ZC3H4: variants seen among roughly 807,000 people sequenced by gnomAD.
ZC3H4 encodes zinc finger CCCH-type containing 4.
ZC3H4 carries 13 observed loss-of-function variants against 108.3 expected under a neutral mutation model. The ratio of observed to expected loss-of-function variants is 0.12; its 90% CI spans 0.08 to 0.19. ZC3H4 has a LOEUF of 0.19. Ranked by LOEUF, ZC3H4 falls within the 10% of genes least tolerant of loss-of-function variation. The pLI is 1.00. For synonymous variants in ZC3H4, 917 were observed against 749.6 expected, an observed-to-expected ratio of 1.22 and a Z score of -3.65; for missense variants, 1,734 against 1,838.8, an observed-to-expected ratio of 0.94 and a Z score of 1.04.
Position 47,084,435 on chromosome 19 carries a change from G to A in ZC3H4, c.1128C>T (p.Tyr376=). 6.2e-7 allele frequency: 1 copy of A among 1,614,210 alleles called. No homozygotes were observed. Among genetic ancestry groups the A allele is most frequent in the Non-Finnish European group, 8.5e-7 (1 of 1,180,046 alleles). Residue 376 remains tyrosine (Y), a synonymous_variant, in exon 9 of 15, where the codon TAC becomes TAT. Transcript: ENST00000253048. ...GGGGCTTGTCATGGTCACGACTCCG[G>A]TAGCTTCCACCACCACCGTCCTGCA... ...EDMGDGGGGS[Y]RSRDHDKPHQ...
chr19:47,064,484 TTC>T lies in ZC3H4; in HGVS notation c.*1870_*1871del, dbSNP rs2057169152. ...CGGGTGAATTCATAGTCCTATGAGG[TTC>T]TTAGGCTGAATATTCCAAGAGGAGG... On this transcript the variant is annotated 3_prime_UTR_variant, in exon 15 of 15. Transcript: ENST00000253048. 6.6e-6 allele frequency: 1 copy of T among 152,482 alleles called. No homozygotes were observed. Among genetic ancestry groups the T allele is most frequent in the African/African-American group, 2.4e-5 (1 of 41,454 alleles). 9.4% of individuals were successfully genotyped at this position (152,482 alleles called of 1,614,324 possible).
chr19:47,085,242 C>A lies in ZC3H4; in HGVS notation c.968-47G>T, dbSNP rs772830411. 16 of 1,578,366 alleles carry A rather than the reference C, an allele frequency of 1.0e-5. No homozygotes were observed. The East Asian group carries it at 2.5e-4, about 25-fold the overall frequency. ...AAGACCTGCTGACCACCCCCTCCCC[C>A]ACCCCCAGGACTAGATTCCAGCAGC... On this transcript the variant is annotated intron_variant, in intron 7 of 14. Transcript: ENST00000253048.
chr19:47,104,598 C>T (rs2057945655), intron 2 of ZC3H4, among the ~76,000 whole-genome samples: 1 of 152,212 alleles, frequency 6.6e-6, no homozygotes, highest in South Asian at 2.1e-4. Flanking sequence ...TCACTTAAAA[C>T]TTTGACACAA....
intron 2 of ZC3H4, among the ~76,000 whole-genome samples, chr19:47,095,954 G>A (rs144860758): frequency 3.9e-5 from 6 of 152,212 alleles, no homozygotes; most frequent in East Asian, 1.9e-4. Flanking sequence ...GGAAAGGCCC[G>A]CAGCTGCCCA....
intron 4 of ZC3H4, among the ~76,000 whole-genome samples, chr19:47,092,816 C>CAATCAATCAATA (rs371655310): frequency 6.8e-6 from 1 of 146,834 alleles, no homozygotes; most frequent in Non-Finnish European, 1.5e-5. Context: ...GACTCCGTCT[C>CAATCAATCAATA]AATAAATAAA....
In ZC3H4 at chr19:47,072,600, G is replaced by A; in HGVS notation, c.1554C>T (p.Pro518=). ...GCGGGCCAGGGGGCCGAGGAGGGGT[G>A]GGCAGGAGGCCCACACCAGGGGGCG... ...PKPPPGVGLL[P]TPPRPPGPQA... The change falls in exon 12 of 15, where the codon CCC becomes CCT. Residue 518 remains proline (P), a synonymous_variant. Transcript: ENST00000253048. The surrounding 1 kb of genome is among the most constrained non-coding windows in gnomAD (Gnocchi z 5.6). The A allele has an allele frequency of 6.2e-7, 1 of 1,606,438 alleles. No homozygotes were observed. Among genetic ancestry groups the A allele is most frequent in the Non-Finnish European group, 8.5e-7 (1 of 1,177,832 alleles).
rs1295360270 is a variant in ZC3H4, at chr19:47,067,584, G to A, written c.2684C>T (p.Ala895Val). 3.1e-6 allele frequency: 5 copies of A among 1,603,746 alleles called. No individual in the cohort carries two copies. The highest frequency in any genetic ancestry group is 3.4e-6 in the Non-Finnish European group (4 of 1,176,156). The change falls in exon 15 of 15, where the codon GCC becomes GTC. Residue 895 changes from alanine (A) to valine (V), a missense_variant. Transcript: ENST00000253048. The surrounding 1 kb of genome is among the most constrained non-coding windows in gnomAD (Gnocchi z 6.4). ...SGPSDPRLAR[A>V]LPTSKPEGSL... ...GCCTTCGGGCTTGGAGGTGGGCAGGGCGCGAGCCAGCCGAGGATCGGAGGG... is the reference window on the plus strand; with the variant it reads ...GCCTTCGGGCTTGGAGGTGGGCAGGACGCGAGCCAGCCGAGGATCGGAGGG...
At chr19:47,102,383 T>C (rs2057914659) in intron 2 of ZC3H4, among the ~76,000 whole-genome samples, 1 of 152,186 alleles carries the variant, frequency 6.6e-6, no homozygotes, top group African/African-American at 2.4e-5. Flanking sequence ...CTGAAATGTA[T>C]AATCGAGTAG....
chr19:47,091,898 A>G (rs867056503), intron 4 of ZC3H4, among the ~76,000 whole-genome samples: 1 of 152,070 alleles, frequency 6.6e-6, no homozygotes, highest in Non-Finnish European at 1.5e-5. Flanking sequence ...ATCTCTAAAT[A>G]AATGAATGAA....
At chr19:47,084,637 G>A (rs1568547767) in intron 8 of ZC3H4, among the ~76,000 whole-genome samples, 182 bp from the exon 9 acceptor site, 1 of 152,220 alleles carries the variant, frequency 6.6e-6, no homozygotes, top group South Asian at 2.1e-4. Context: ...ACGGTGTGGG[G>A]TGTTGCTGCC....
rs761705785 is a variant in ZC3H4 at position 47,067,681 on chromosome 19, G to A, written c.2587C>T (p.Arg863Cys). 5 of 1,600,730 alleles carry A rather than the reference G, an allele frequency of 3.1e-6. No individual in the cohort carries two copies. The highest frequency in any genetic ancestry group is 1.1e-5 in the South Asian group (1 of 89,942). The change falls in exon 15 of 15, where the codon CGC becomes TGC. Residue 863 changes from arginine to cysteine, a missense_variant. Physicochemically the swap from Arg to Cys is radical, Grantham distance 180. This residue lies in a region of ZC3H4 where 540 missense variants were observed against 484.1 expected (regional missense o/e 1.12). Coordinates refer to ENST00000253048, the MANE Select transcript of ZC3H4 (RefSeq NM_015168.2). This position sits in a 1 kb window ranked among gnomAD's most constrained non-coding sequence, Gnocchi z 6.4. ...HPTGSRLADP[R>C]LSRDPRLTRH... ...GTGAGTCTGGGGTCCCGGCTGAGGC[G>A]AGGGTCAGCCAGCCGGCTTCCTGTG...
rs1253188854 is a variant in ZC3H4, at chr19:47,066,842, C to T, written c.3426G>A (p.Val1142=). Residue 1142 remains valine (V), a synonymous_variant, in exon 15 of 15, where the codon GTG becomes GTA. Transcript: ENST00000253048. ...GGTCGTAGAGGCTGATACCGCTCAG[C>T]ACACTGCTCTGCCCGCCCCCTCCGC... is the stretch of plus-strand genomic sequence containing the variant. ...GQGGGGGQSS[V]LSGISLYDPR... 5.6e-6 allele frequency: 9 copies of T among 1,599,538 alleles called. No homozygotes were observed. Among genetic ancestry groups the T allele is most frequent in the Non-Finnish European group, 7.6e-6 (9 of 1,179,344 alleles).
Position 47,066,536 on chromosome 19 carries a change from C to A in ZC3H4, c.3732G>T (p.Gln1244His). 1 of 1,559,838 alleles carries A rather than the reference C, an allele frequency of 6.4e-7. No individual in the cohort carries two copies. The highest frequency in any genetic ancestry group is 8.7e-7 in the Non-Finnish European group (1 of 1,152,520). The change falls in exon 15 of 15, where the codon CAG becomes CAT. Residue 1244 changes from glutamine to histidine, a missense_variant. This residue lies in a region of ZC3H4 where 518 missense variants were observed against 499.6 expected (regional missense o/e 1.04). Transcript: ENST00000253048. ...ATPPPEGAPP[Q>H]PGVHNLPVPT... ...GCACGGGCAGGTTGTGCACCCCGGG[C>A]TGGGGTGGGGCACCCTCGGGGGGTG...
intron 11 of ZC3H4, among the ~76,000 whole-genome samples, chr19:47,076,238 C>T (rs557164176): frequency 7.9e-5 from 12 of 152,362 alleles, no homozygotes; most frequent in Non-Finnish European, 1.5e-4. Context: ...TGGTAATGAA[C>T]TGTTACTTGC....
rs1418864718 is a variant in ZC3H4, at chr19:47,072,133, A to G, written c.1803-12T>C. On this transcript the variant is annotated splice_polypyrimidine_tract_variant and intron_variant, in intron 12 of 14. Transcript: ENST00000253048. The surrounding 1 kb of genome is among the most constrained non-coding windows in gnomAD (Gnocchi z 5.6). The stretch of plus-strand genomic sequence containing the variant: ...CGGGTCCAGGGAACCTAGAAGAGGG[A>G]AAAGGTGCCTGTGACGGAAGCTGCC... 2.6e-6 allele frequency: 4 copies of G among 1,513,232 alleles called. No homozygotes were observed. Among genetic ancestry groups the G allele is most frequent in the South Asian group, 1.3e-5 (1 of 76,332 alleles). The allele number at this position is 1,513,232 out of a possible 1,614,324, so 93.7% of individuals were successfully genotyped here. A position where few individuals can be genotyped will look rare whatever the true frequency, so the allele number is the denominator to read the frequency against.
intron 2 of ZC3H4, among the ~76,000 whole-genome samples, chr19:47,094,966 C>CT (rs1192857343): frequency 1.3e-5 from 2 of 152,350 alleles, no homozygotes; most frequent in Admixed American, 1.3e-4. Flanking sequence ...ATTCATAATG[C>CT]TTAACGCTGC....
At chr19:47,099,821 TAAAAAA>T (rs34876026) in intron 2 of ZC3H4, among the ~76,000 whole-genome samples, 1 of 103,154 alleles carries the variant, frequency 9.7e-6, no homozygotes, top group African/African-American at 3.5e-5. Flanking sequence ...TACAAGAGTT[TAAAAAA>T]AAAAAAAAAA....
intron 6 of ZC3H4, among the ~76,000 whole-genome samples, chr19:47,085,641 C>T (rs1196218785): frequency 6.6e-6 from 1 of 152,184 alleles, no homozygotes; most frequent in South Asian, 2.1e-4. Flanking sequence ...TCCCTACGTA[C>T]ACATCACTGT....
intron 2 of ZC3H4, among the ~76,000 whole-genome samples, chr19:47,109,095 C>CT (rs372944250): frequency 4.6e-4 from 70 of 150,668 alleles, no homozygotes; most frequent in African/African-American, 1.5e-3. Context: ...ACACCCTTTT[C>CT]TTTTTTTTTG....
Sources: gnomAD v4.1 joint callset for allele counts (sites outside exome capture counted in the v4.1 genomes callset) on GRCh38, gnomAD v4.1.1 for gene constraint, gnomAD v4.1.1 regional missense constraint, Gnocchi (gnomAD v3.1) non-coding constraint, MANE v1.5 for transcripts, NCBI Gene and HGNC (gene_info 2026-07-23, HGNC 2026-07-21) for gene names.